GPC5: variants seen among roughly 807,000 people sequenced by gnomAD.
GPC5 encodes glypican 5.
A neutral mutation model predicts 53.9 loss-of-function variants in GPC5; 47 were observed. The observed-to-expected ratio is 0.87, with a 90% CI of 0.69 to 1.11. The LOEUF is 1.11. GPC5 is among the 50% of genes most tolerant of loss of function. The probability of loss-of-function intolerance (pLI) is 0.00; values close to 1 mark genes in which losing one functional copy is unlikely to be tolerated. For missense variants in GPC5, 748 were observed against 713.1 expected (o/e 1.05, Z -0.56); for synonymous variants, 286 against 263.3 (o/e 1.09, Z -0.84).
chr13:91,866,656 C>T (rs985089640), intron 5 of GPC5, among the ~76,000 whole-genome samples: 2 of 152,096 alleles, frequency 1.3e-5, no homozygotes. Flanking sequence ...AAACCATCAG[C>T]CAAATACTCC....
chr13:92,654,262 G>T (rs568506560), intron 7 of GPC5, among the ~76,000 whole-genome samples: 9 of 152,098 alleles, frequency 5.9e-5, no homozygotes, highest in Admixed American at 2.0e-4. Context: ...GTAAAGATTG[G>T]TTTTTTAAAA....
intron 2 of GPC5, among the ~76,000 whole-genome samples, chr13:91,632,282 C>T (rs892297870): frequency 6.6e-6 from 1 of 152,048 alleles, no homozygotes; most frequent in Non-Finnish European, 1.5e-5. Context: ...GTCATCATTA[C>T]AGGAATTGCC....
intron 2 of GPC5, among the ~76,000 whole-genome samples, chr13:91,547,291 C>T (rs945748909): frequency 1.3e-5 from 2 of 151,946 alleles, no homozygotes; most frequent in African/African-American, 2.4e-5. Context: ...AAACGAGACA[C>T]AAATTGCTAA....
At chr13:92,106,062 G>A (rs1030270471) in intron 6 of GPC5, among the ~76,000 whole-genome samples, 12 of 151,848 alleles carry the variant, frequency 7.9e-5, no homozygotes, top group African/African-American at 2.7e-4. Flanking sequence ...ATTTTGTGTA[G>A]CACCCTGTTT....
At chr13:92,522,231 C>A (rs1016661166) in intron 7 of GPC5, among the ~76,000 whole-genome samples, 1 of 152,090 alleles carries the variant, frequency 6.6e-6, no homozygotes, top group Non-Finnish European at 1.5e-5. Flanking sequence ...GGATCTAGAA[C>A]TAGAAATACC....
At chr13:92,635,709 G>A (rs573034611) in intron 7 of GPC5, among the ~76,000 whole-genome samples, 10 of 152,246 alleles carry the variant, frequency 6.6e-5, no homozygotes, top group South Asian at 2.1e-4. Context: ...AACAGATCTC[G>A]GGCAGAAGGC....
intron 7 of GPC5, chr13:92,701,340 A>T (rs1887732492): frequency 6.6e-6 from 1 of 152,146 alleles, no homozygotes. Context: ...TTAAAATTTG[A>T]TGTTTTGGCT....
At chr13:92,729,076 T>G (rs1338179895) in intron 7 of GPC5, among the ~76,000 whole-genome samples, 1 of 151,288 alleles carries the variant, frequency 6.6e-6, no homozygotes, top group African/African-American at 2.4e-5. Context: ...ACAAGAACAA[T>G]ATTCCTTGCA....
intron 7 of GPC5, among the ~76,000 whole-genome samples, chr13:92,398,117 G>GA (rs1875370170): frequency 1.3e-5 from 2 of 152,034 alleles, no homozygotes; most frequent in South Asian, 4.1e-4. Context: ...GCAAGAATCA[G>GA]AAAAAGTTAA....
intron 7 of GPC5, among the ~76,000 whole-genome samples, chr13:92,839,596 C>T (rs1878350457): frequency 1.3e-5 from 2 of 152,050 alleles, no homozygotes; most frequent in Non-Finnish European, 2.9e-5. Context: ...GTATATTGGC[C>T]TCCAGCTCCA....
At chr13:92,644,045 G>T (rs939208532) in intron 7 of GPC5, among the ~76,000 whole-genome samples, 2 of 152,118 alleles carry the variant, frequency 1.3e-5, no homozygotes, top group Non-Finnish European at 2.9e-5. Flanking sequence ...GAAGCATGGG[G>T]GTAGGTAGGA....
chr13:91,760,671 T>C (rs1365543926), intron 5 of GPC5, among the ~76,000 whole-genome samples: 2 of 152,140 alleles, frequency 1.3e-5, no homozygotes, highest in African/African-American at 4.8e-5. Flanking sequence ...GTGATTGATA[T>C]GATTATTTGT....
intron 7 of GPC5, among the ~76,000 whole-genome samples, chr13:92,769,993 C>T (rs1470878547): frequency 6.6e-6 from 1 of 152,218 alleles, no homozygotes; most frequent in African/African-American, 2.4e-5. Flanking sequence ...AATTCCCCAT[C>T]AGTTGATTAC....
intron 7 of GPC5, among the ~76,000 whole-genome samples, chr13:92,430,899 A>G (rs1877055565): frequency 6.6e-6 from 1 of 152,106 alleles, no homozygotes; most frequent in South Asian, 2.1e-4. Flanking sequence ...AATGATATAA[A>G]TGCAAAAATT....
intron 5 of GPC5, among the ~76,000 whole-genome samples, chr13:91,793,031 C>T (rs1473493183): frequency 6.6e-6 from 1 of 152,132 alleles, no homozygotes; most frequent in Non-Finnish European, 1.5e-5. Flanking sequence ...TCTCACTAGG[C>T]TAATGATAAG....
intron 7 of GPC5, among the ~76,000 whole-genome samples, chr13:92,148,145 T>C (rs901837350): frequency 6.6e-6 from 1 of 152,112 alleles, no homozygotes; most frequent in African/African-American, 2.4e-5. Flanking sequence ...GTTATATATG[T>C]GTATATATCT....
rs185546133 is a variant in GPC5 at position 92,060,082 on chromosome 13, A to G, written c.1402-84748A>G. Reference sequence around the variant, plus strand: ...ATTTCATTACTTTATTAATATTATAAATACATTTGATATAGAGTGCTGATA... The same window carrying G: ...ATTTCATTACTTTATTAATATTATAGATACATTTGATATAGAGTGCTGATA... On this transcript the variant is annotated intron_variant, in intron 6 of 7. Transcript: ENST00000377067. 4.3e-4 allele frequency: 65 copies of G among 152,102 alleles called. 1 individual carries two copies. The highest frequency in any genetic ancestry group is 1.6e-3 in the African/African-American group (65 of 41,442). The allele number at this position is 152,102 out of a possible 1,614,324, so 9.4% of individuals were successfully genotyped here.
At chr13:92,064,764 A>AAACAAAACAAAAC (rs371962452) in intron 6 of GPC5, among the ~76,000 whole-genome samples, 68,727 of 138,404 alleles carry the variant, frequency 0.5, 20,274 homozygotes, top group East Asian at 0.8. Context: ...CTCAAAAAAA[A>AAACAAAACAAAAC]AAAACAAAAC....
intron 7 of GPC5, among the ~76,000 whole-genome samples, chr13:92,858,017 A>G (rs929267639): frequency 1.3e-5 from 2 of 152,212 alleles, no homozygotes; most frequent in African/African-American, 4.8e-5. Context: ...ACACGCACTC[A>G]TATGTTCATC....
Sources: gnomAD v4.1 joint callset for allele counts (sites outside exome capture counted in the v4.1 genomes callset) on GRCh38, gnomAD v4.1.1 for gene constraint, MANE v1.5 for transcripts, NCBI Gene and HGNC (gene_info 2026-07-23, HGNC 2026-07-21) for gene names.